The following GAB1 variants were observed in gnomAD, a reference collection of about 807,000 sequenced individuals.
The protein encoded by GAB1 is GRB2-associated-binding protein 1.
A neutral mutation model predicts 66.5 loss-of-function variants in GAB1; 19 were observed. That is an observed-to-expected ratio of 0.29 (90% CI 0.20 to 0.42). The LOEUF (loss-of-function observed/expected upper bound fraction) is 0.42. Ranked by LOEUF, GAB1 falls within the 10% of genes least tolerant of loss-of-function variation. GAB1 has a pLI of 1.00. For missense variants in GAB1, 732 were observed against 858.5 expected (o/e 0.85, Z 1.84); for synonymous variants, 294 against 301.4 (o/e 0.98, Z 0.25).
rs200334685 is a variant in GAB1, at chr4:143,338,676, GT to G, written c.72+1425del. On this transcript the variant is annotated intron_variant, in intron 1 of 9. Coordinates refer to ENST00000262994, the MANE Select transcript of GAB1 (RefSeq NM_002039.4). ...ATTCCAAAAATATGAACGAGGCAGT[GT>G]TTTTTTTTCCAGCTGTTCTAAAGAG... Among the ~76,000 whole-genome samples the G allele has an allele frequency of 1.2e-4, 18 of 148,934 alleles. 1 individual carries two copies. The South Asian group carries it at 1.9e-3, about 16-fold the overall frequency.
chr4:143,373,363 A>T (rs1323283878), intron 1 of GAB1, among the ~76,000 whole-genome samples: 1 of 152,240 alleles, frequency 6.6e-6, no homozygotes, highest in Non-Finnish European at 1.5e-5. Context: ...TTTCCTTCAG[A>T]TTATAGCAGC....
chr4:143,433,845 T>C (rs1446109414), intron 3 of GAB1, 129 bp downstream of exon 3: 1 of 717,542 alleles, frequency 1.4e-6, no homozygotes, highest in East Asian at 2.7e-5. Flanking sequence ...TATAGGCATA[T>C]GTTTCAGGCT....
chr4:143,465,331 C>T (rs1735725383), intron 8 of GAB1, among the ~76,000 whole-genome samples: 2 of 152,120 alleles, frequency 1.3e-5, no homozygotes, highest in African/African-American at 4.8e-5. Flanking sequence ...TACCTTCTTT[C>T]CCTTTTTTTA....
intron 1 of GAB1, among the ~76,000 whole-genome samples, chr4:143,372,598 A>G (rs1215964408): frequency 1.3e-5 from 2 of 152,206 alleles, no homozygotes; most frequent in African/African-American, 4.8e-5. Flanking sequence ...TGTGTAATGC[A>G]GTGGCCAAAA....
intron 1 of GAB1, among the ~76,000 whole-genome samples, chr4:143,412,231 AC>A (rs1424457190): frequency 6.6e-6 from 1 of 152,184 alleles, no homozygotes; most frequent in African/African-American, 2.4e-5. Flanking sequence ...TAGCAAAAGG[AC>A]ATGTTCTGTG....
At chr4:143,412,527 T>C (rs1032551969) in intron 1 of GAB1, among the ~76,000 whole-genome samples, 4 of 152,236 alleles carry the variant, frequency 2.6e-5, no homozygotes, top group Non-Finnish European at 5.9e-5. Context: ...CACTATCTTC[T>C]TGAACTTTTC....
chr4:143,394,565 A>G (rs1440446780), intron 1 of GAB1, among the ~76,000 whole-genome samples: 1 of 152,140 alleles, frequency 6.6e-6, no homozygotes, highest in Non-Finnish European at 1.5e-5. Context: ...CAAAAGCATC[A>G]TATTTTGTAT....
chr4:143,459,176 A>C (rs1735353804), intron 6 of GAB1, among the ~76,000 whole-genome samples: 1 of 152,094 alleles, frequency 6.6e-6, no homozygotes, highest in Non-Finnish European at 1.5e-5. Context: ...ACAATCATGA[A>C]ACATCTGATT....
chr4:143,434,063 C>T, intron 3 of GAB1: 4 of 1,193,270 alleles, frequency 3.4e-6, no homozygotes, highest in Non-Finnish European at 3.3e-6. Flanking sequence ...GATCTTGCTC[C>T]ATTTCTTATG....
At chr4:143,452,600 G>A (rs1354657813) in intron 6 of GAB1, among the ~76,000 whole-genome samples, 1 of 152,092 alleles carries the variant, frequency 6.6e-6, no homozygotes, top group African/African-American at 2.4e-5. Flanking sequence ...GGGCAAATCC[G>A]TTGACTTTTC....
chr4:143,353,182 A>G (rs1729300742), intron 1 of GAB1, among the ~76,000 whole-genome samples: 1 of 152,198 alleles, frequency 6.6e-6, no homozygotes, highest in Non-Finnish European at 1.5e-5. Flanking sequence ...CTGAAAGCAT[A>G]TTATTAAAGT....
chr4:143,434,114 A>C, intron 3 of GAB1: 1 of 1,293,324 alleles, frequency 7.7e-7, no homozygotes, highest in Non-Finnish European at 1.0e-6. Context: ...GTTTCTGAAG[A>C]AGGAGAGGAA....
intron 7 of GAB1, 102 bp from the exon 8 acceptor site, chr4:143,460,262 A>G: frequency 2.7e-6 from 3 of 1,097,854 alleles, no homozygotes; most frequent in South Asian, 1.3e-5. Context: ...ACATAAGGGA[A>G]TATTTCTGAA....
chr4:143,420,589 A>C (rs1379536764), intron 2 of GAB1, among the ~76,000 whole-genome samples: 3 of 152,098 alleles, frequency 2.0e-5, no homozygotes, highest in Admixed American at 1.3e-4. Context: ...TTTTTCTTGG[A>C]AATGTACAGA....
chr4:143,354,256 C>T (rs534592422), intron 1 of GAB1, among the ~76,000 whole-genome samples: 2 of 152,046 alleles, frequency 1.3e-5, no homozygotes, highest in East Asian at 3.9e-4. Flanking sequence ...TGGTGTATCT[C>T]CTTTTTATGA....
rs141632418 is a variant in GAB1, at chr4:143,466,359, A to G, written c.1926+134A>G. On this transcript the variant is annotated intron_variant, in intron 9 of 9. Transcript: ENST00000262994. ...TTAGTCTGGTCTGCTACTTGATGCT[A>G]TCTCATAAAACAAAAATAACATAGT... The G allele has an allele frequency of 2.5e-4, 190 of 747,902 alleles. 1 individual carries two copies. The African/African-American group carries it at 3.1e-3, about 12-fold the overall frequency. The allele number at this position is 747,902 out of a possible 1,614,324, so 46.3% of individuals were successfully genotyped here. A position where few individuals can be genotyped will look rare whatever the true frequency, so the allele number is the denominator to read the frequency against.
At position 143,438,441 on chromosome 4, in the gene GAB1, C is replaced by G. The variant is rs892712870; in HGVS notation, c.1036C>G (p.Pro346Ala). Residue 346 changes from proline to alanine, a missense_variant, in exon 4 of 10, where the codon CCG (proline) becomes GCG (alanine). Coordinates refer to ENST00000262994, the MANE Select transcript of GAB1 (RefSeq NM_002039.4). The stretch of plus-strand genomic sequence containing the variant: ...TCCAGATATTCCTCCACCTCGGCCA[C>G]CGAAACCACATCCAGCTCATGACCG... The part of the protein sequence containing the change: ...TIPDIPPPRP[P>A]KPHPAHDRSP... 6.2e-7 allele frequency: 1 copy of G among 1,614,102 alleles called. No homozygotes were observed. The highest frequency in any genetic ancestry group is 8.5e-7 in the Non-Finnish European group (1 of 1,180,010).
intron 1 of GAB1, among the ~76,000 whole-genome samples, chr4:143,409,861 GTTTGTTTTGT>G (rs962079552): frequency 6.6e-6 from 1 of 152,094 alleles, no homozygotes; most frequent in Non-Finnish European, 1.5e-5. Flanking sequence ...AAGGACCTGT[GTTTGTTTTGT>G]TTTGTTTTGT....
intron 6 of GAB1, among the ~76,000 whole-genome samples, chr4:143,446,758 G>A (rs1734574656): frequency 6.6e-6 from 1 of 151,982 alleles, no homozygotes; most frequent in African/African-American, 2.4e-5. Context: ...TGTTCACTCT[G>A]ATGGTAGTTT....
Sources: allele counts gnomAD v4.1 joint callset (sites outside exome capture counted in the v4.1 genomes callset), GRCh38; gene constraint gnomAD v4.1.1; transcripts MANE v1.5; gene names NCBI Gene and HGNC (gene_info 2026-07-23, HGNC 2026-07-21).